The following SHISA9 variants were observed in gnomAD, a reference collection of about 807,000 sequenced individuals.
SHISA9 encodes shisa family member 9.
In SHISA9, 13 loss-of-function variants were observed where a neutral mutation model predicts 38.0. That is an observed-to-expected ratio of 0.34 (90% CI 0.22 to 0.54). The LOEUF (loss-of-function observed/expected upper bound fraction) is 0.54, where lower values mean the gene tolerates loss of function less well. Ranked by LOEUF, SHISA9 falls within the 20% of genes least tolerant of loss-of-function variation. SHISA9 has a pLI of 0.91. For missense variants in SHISA9, 538 were observed against 575.8 expected (o/e 0.93, Z 0.67); for synonymous variants, 275 against 242.0 (o/e 1.14, Z -1.27).
chr16:13,550,289 T>G, the SHISA9 span, among the ~76,000 whole-genome samples: 1 of 152,242 alleles, frequency 6.6e-6, no homozygotes, highest in African/African-American at 2.4e-5. Flanking sequence ...CTCCAGCCCC[T>G]AGAAACTCTC....
At chr16:13,007,747 C>T (rs1042545106) in intron 2 of SHISA9, among the ~76,000 whole-genome samples, 11 of 152,224 alleles carry the variant, frequency 7.2e-5, no homozygotes, top group Non-Finnish European at 1.6e-4. Context: ...TTTGCTTATG[C>T]ATCTTTCTTC....
intron 2 of SHISA9, among the ~76,000 whole-genome samples, chr16:13,196,346 G>A (rs1377389967): frequency 7.0e-6 from 1 of 143,552 alleles, no homozygotes; most frequent in Admixed American, 7.3e-5. Context: ...GCAGTGAGCC[G>A]AGATTGCACC....
At chr16:13,191,638 A>G (rs1443668684) in intron 2 of SHISA9, among the ~76,000 whole-genome samples, 3 of 152,202 alleles carry the variant, frequency 2.0e-5, no homozygotes, top group Non-Finnish European at 1.5e-5. Flanking sequence ...TAAGTGGAAG[A>G]GCAAAAATTT....
At chr16:13,009,370 G>A (rs904026079) in intron 2 of SHISA9, among the ~76,000 whole-genome samples, 5 of 152,132 alleles carry the variant, frequency 3.3e-5, no homozygotes, top group Admixed American at 6.5e-5. Flanking sequence ...GGGTCAGCCG[G>A]AGCAAAGGCA....
At chr16:13,505,069 A>T in the SHISA9 span, among the ~76,000 whole-genome samples, 1 of 152,116 alleles carries the variant, frequency 6.6e-6, no homozygotes. Flanking sequence ...TAGGTTGTCC[A>T]TTTTTTCCTC....
rs539789401 is a variant in SHISA9, at chr16:13,218,647, A to G, written c.895+5347A>G. Among the ~76,000 whole-genome samples the G allele has an allele frequency of 4.1e-4, 62 of 152,296 alleles. No individual in the cohort carries two copies. The East Asian group carries it at 0.011, about 28-fold the overall frequency. On this transcript the variant is annotated intron_variant, in intron 4 of 4. Coordinates refer to ENST00000558583, the MANE Select transcript of SHISA9 (RefSeq NM_001145204.3). ...TCATCTGTCACGTGGAAAGAATGAT[A>G]TTGCCTGCCATGTCTCTTTAAGAGG... is the stretch of plus-strand genomic sequence containing the variant.
chr16:13,493,055 T>C, the SHISA9 span, among the ~76,000 whole-genome samples: 2 of 152,144 alleles, frequency 1.3e-5, no homozygotes, highest in Admixed American at 6.5e-5. Context: ...TGTAAAGCTA[T>C]TGGAGAGTTT....
At chr16:12,941,709 G>A (rs2071614278) in intron 2 of SHISA9, among the ~76,000 whole-genome samples, 1 of 152,090 alleles carries the variant, frequency 6.6e-6, no homozygotes, top group Non-Finnish European at 1.5e-5. Flanking sequence ...AAATTAGCTG[G>A]GCCTGGTGGC....
intron 2 of SHISA9, among the ~76,000 whole-genome samples, chr16:12,936,832 A>G (rs1297184379): frequency 6.6e-6 from 1 of 152,154 alleles, no homozygotes; most frequent in African/African-American, 2.4e-5. Context: ...CCTATGAATG[A>G]TGCCATATGG....
chr16:12,944,997 G>A (rs1386015213), intron 2 of SHISA9, among the ~76,000 whole-genome samples: 6 of 152,128 alleles, frequency 3.9e-5, no homozygotes, highest in East Asian at 1.9e-4. Flanking sequence ...CAAGAAGAAC[G>A]TGCCCCAGAG....
intron 2 of SHISA9, among the ~76,000 whole-genome samples, chr16:12,952,981 A>G (rs532087367): frequency 2.0e-5 from 3 of 152,160 alleles, no homozygotes; most frequent in Non-Finnish European, 4.4e-5. Context: ...CTCCTGACTT[A>G]CATGCTAATG....
intron 2 of SHISA9, among the ~76,000 whole-genome samples, chr16:13,020,325 C>G (rs970452308): frequency 2.0e-5 from 3 of 151,916 alleles, no homozygotes; most frequent in African/African-American, 7.3e-5. Context: ...CATGCCCAGC[C>G]CATTAGTTGT....
chr16:13,544,769 C>G, the SHISA9 span, among the ~76,000 whole-genome samples: 1 of 152,004 alleles, frequency 6.6e-6, no homozygotes, highest in Non-Finnish European at 1.5e-5. Flanking sequence ...ATGGTGAAAC[C>G]CTGTCTTTAC....
the SHISA9 span, among the ~76,000 whole-genome samples, chr16:13,352,765 G>A: frequency 1.8e-4 from 26 of 145,694 alleles, no homozygotes; most frequent in South Asian, 2.2e-3. Context: ...GTCAAAGGGG[G>A]TTTGTTCTCT....
At chr16:13,301,688 G>A in the SHISA9 span, among the ~76,000 whole-genome samples, 1 of 152,276 alleles carries the variant, frequency 6.6e-6, no homozygotes, top group East Asian at 1.9e-4. Context: ...TTAAGGCATT[G>A]GTAGTATGAG....
the SHISA9 span, among the ~76,000 whole-genome samples, chr16:13,549,268 G>T: frequency 6.6e-6 from 1 of 152,124 alleles, no homozygotes; most frequent in African/African-American, 2.4e-5. Flanking sequence ...AAGTTAGATA[G>T]GAGGAAAAAG....
chr16:13,508,203 C>A, the SHISA9 span, among the ~76,000 whole-genome samples: 1 of 152,156 alleles, frequency 6.6e-6, no homozygotes, highest in Non-Finnish European at 1.5e-5. Flanking sequence ...ACTTATTATT[C>A]AACTATGATT....
At chr16:12,959,451 C>A (rs1320572767) in intron 2 of SHISA9, among the ~76,000 whole-genome samples, 2 of 152,112 alleles carry the variant, frequency 1.3e-5, no homozygotes, top group Non-Finnish European at 2.9e-5. Flanking sequence ...TCTGTAGAAA[C>A]CTCTGATGGA....
Position 13,025,734 on chromosome 16 carries a change from T to C in SHISA9, c.691+108919T>C, listed in dbSNP as rs188226635. 3.2e-3 allele frequency among the ~76,000 whole-genome samples: 483 copies of C among 152,336 alleles called. 3 individuals are homozygous for C. Among genetic ancestry groups the C allele is most frequent in the South Asian group, 0.014 (68 of 4,830 alleles). ...TTCTTCCTAACTGCGGGTCAGTTCT[T>C]TTTTTTATTTTTTACTTTTTATTTT... On this transcript the variant is annotated intron_variant, in intron 2 of 4. Coordinates refer to ENST00000558583, the MANE Select transcript of SHISA9 (RefSeq NM_001145204.3).
Sources: allele counts gnomAD v4.1 joint callset (sites outside exome capture counted in the v4.1 genomes callset), GRCh38; gene constraint gnomAD v4.1.1; transcripts MANE v1.5; gene names NCBI Gene and HGNC (gene_info 2026-07-23, HGNC 2026-07-21).